TLK1: variants seen among roughly 807,000 people sequenced by gnomAD.
The protein encoded by TLK1 is tousled like kinase 1, also known as serine/threonine-protein kinase tousled-like 1.
In TLK1, 24 loss-of-function variants were observed where a neutral mutation model predicts 105.3. That is an observed-to-expected ratio of 0.23 (90% confidence interval 0.17 to 0.32). The LOEUF is 0.32. Among genes scored for constraint, TLK1 ranks in the 10% least tolerant of loss-of-function variants. The pLI is 1.00. For synonymous variants in TLK1, 321 were observed against 310.4 expected (o/e 1.03, Z -0.36); for missense variants, 558 against 910.5 (o/e 0.61, Z 4.98).
At chr2:171,197,597 G>A (rs1693299054) in intron 1 of TLK1, among the ~76,000 whole-genome samples, 1 of 152,104 alleles carries the variant, frequency 6.6e-6, no homozygotes, top group African/African-American at 2.4e-5. Context: ...TGGCCAACAT[G>A]GTGAAACCCT....
At chr2:171,033,883 C>A (rs1422635087) in intron 11 of TLK1, among the ~76,000 whole-genome samples, 3 of 145,510 alleles carry the variant, frequency 2.1e-5, no homozygotes, top group African/African-American at 2.5e-5. Context: ...GTTTAGTATC[C>A]AGATTTTTTA....
chr2:171,042,972 C>G lies in TLK1; in HGVS notation c.1169+3202G>C, dbSNP rs76934921. Among the ~76,000 whole-genome samples, 166 of 151,642 alleles carry G rather than the reference C, an allele frequency of 1.1e-3. No individual in the cohort carries two copies. The East Asian group carries it at 0.021, about 19-fold the overall frequency. ...ATGTGGGTGAATTTTATCTAGAAAG[C>G]CACTGACAGAGGTTAAACATGGTGA... On this transcript the variant is annotated intron_variant, in intron 11 of 20. Transcript: ENST00000431350.
chr2:171,068,718 T>C (rs7580629), intron 3 of TLK1, among the ~76,000 whole-genome samples: 86,485 of 151,992 alleles, frequency 0.57, 26,688 homozygotes, highest in East Asian at 0.95. Flanking sequence ...AAATAGTACG[T>C]TGTATAGTTC....
chr2:171,142,771 T>A (rs1270217366), intron 1 of TLK1, among the ~76,000 whole-genome samples: 1 of 152,162 alleles, frequency 6.6e-6, no homozygotes. Flanking sequence ...TTACACCACA[T>A]CTAACAACTG....
intron 11 of TLK1, among the ~76,000 whole-genome samples, chr2:171,033,116 G>A (rs963684592): frequency 4.6e-5 from 7 of 150,628 alleles, no homozygotes; most frequent in Non-Finnish European, 1.0e-4. Context: ...TGAGAAAGGA[G>A]AATCGCTTAA....
chr2:171,170,483 G>A (rs894565255), intron 1 of TLK1, among the ~76,000 whole-genome samples: 10 of 152,200 alleles, frequency 6.6e-5, no homozygotes, highest in Admixed American at 6.5e-4. Flanking sequence ...TCCTTTCAGT[G>A]AGATAGGGCC....
intron 3 of TLK1, among the ~76,000 whole-genome samples, chr2:171,076,715 C>T (rs1226615134): frequency 3.4e-5 from 5 of 145,206 alleles, no homozygotes; most frequent in African/African-American, 1.0e-4. Flanking sequence ...CTGACTAACA[C>T]GGTGAAACTC....
In TLK1 at chr2:171,143,218, A is replaced by G. The variant is rs182604598; in HGVS notation, c.139+17072T>C. 4.5e-3 allele frequency among the ~76,000 whole-genome samples: 691 copies of G among 152,322 alleles called. 8 individuals carry two copies. The highest frequency in any genetic ancestry group is 0.015 in the African/African-American group (630 of 41,562). On this transcript the variant is annotated intron_variant, in intron 1 of 20. Transcript: ENST00000431350. ...GACAAGTAAGGTTAGTACAAAAACT[A>G]TAAAATGTATTTTCCTTATCTCAGT...
At chr2:171,114,909 G>T (rs2105525545) in intron 2 of TLK1, among the ~76,000 whole-genome samples, 1 of 152,008 alleles carries the variant, frequency 6.6e-6, no homozygotes, top group South Asian at 2.1e-4. Flanking sequence ...CCTCCAAAAA[G>T]GATTACAGTC....
intron 1 of TLK1, among the ~76,000 whole-genome samples, chr2:171,148,043 A>G (rs925151609): frequency 6.6e-6 from 1 of 151,996 alleles, no homozygotes; most frequent in African/African-American, 2.4e-5. Flanking sequence ...GGCGTGTGCC[A>G]CCACGCCCGG....
intron 11 of TLK1, among the ~76,000 whole-genome samples, chr2:171,039,173 C>CTT (rs778124032): frequency 1.3e-5 from 2 of 151,956 alleles, no homozygotes; most frequent in Non-Finnish European, 2.9e-5. Context: ...TTCAATATGT[C>CTT]TTTTTTCCCT....
At chr2:171,011,802 T>G (rs1684928257) in intron 13 of TLK1, among the ~76,000 whole-genome samples, 3 of 152,216 alleles carry the variant, frequency 2.0e-5, no homozygotes, top group Admixed American at 2.0e-4. Context: ...AACAGACTTT[T>G]ATATTGGGAG....
chr2:171,007,123 T>A, intron 14 of TLK1, 60 bp from the exon 15 acceptor site: 1 of 1,413,738 alleles, frequency 7.1e-7, no homozygotes, highest in East Asian at 2.3e-5. Flanking sequence ...TGAAGAGATG[T>A]TTTTTATTTT....
chr2:171,208,261 T>A (rs1185680114), intron 1 of TLK1, among the ~76,000 whole-genome samples: 2 of 152,212 alleles, frequency 1.3e-5, no homozygotes, highest in Non-Finnish European at 2.9e-5. Flanking sequence ...TTGCTATTTT[T>A]AAATTGTAAG....
chr2:171,056,246 A>G (rs1274863272), intron 6 of TLK1, among the ~76,000 whole-genome samples: 1 of 152,110 alleles, frequency 6.6e-6, no homozygotes, highest in East Asian at 1.9e-4. Flanking sequence ...TCTTGGATAT[A>G]ATTAATTCAG....
At chr2:171,010,031 G>GC (rs1684832112) in intron 14 of TLK1, among the ~76,000 whole-genome samples, 1 of 152,170 alleles carries the variant, frequency 6.6e-6, no homozygotes, top group Admixed American at 6.6e-5. Flanking sequence ...TGATCAGGCT[G>GC]CCTTTTATAA....
intron 10 of TLK1, among the ~76,000 whole-genome samples, chr2:171,048,192 T>G (rs1687050535): frequency 2.4e-5 from 1 of 41,516 alleles, no homozygotes; most frequent in African/African-American, 3.9e-5. Context: ...CAGGTGATCC[T>G]CCCAACTCGG....
At chr2:171,022,051 C>T (rs1685536358) in intron 12 of TLK1, among the ~76,000 whole-genome samples, 1 of 150,890 alleles carries the variant, frequency 6.6e-6, no homozygotes, top group Non-Finnish European at 1.5e-5. Context: ...TGCAGTGAGC[C>T]GGGATCATGC....
chr2:171,030,824 C>A (rs1233600133), intron 11 of TLK1, among the ~76,000 whole-genome samples: 1 of 152,034 alleles, frequency 6.6e-6, no homozygotes, highest in Non-Finnish European at 1.5e-5. Flanking sequence ...ATATCTTAAA[C>A]CAAAGTTAGT....
Sources: gnomAD v4.1 joint callset for allele counts (sites outside exome capture counted in the v4.1 genomes callset) on GRCh38, gnomAD v4.1.1 for gene constraint, MANE v1.5 for transcripts, NCBI Gene and HGNC (gene_info 2026-07-23, HGNC 2026-07-21) for gene names.